Variants in ST8SIA5 observed in about 807,000 individuals in gnomAD.
The protein encoded by ST8SIA5 is ST8 alpha-N-acetyl-neuraminide alpha-2,8-sialyltransferase 5, also known as alpha-2,8-sialyltransferase 8E.
Under a neutral mutation model 40.2 loss-of-function variants are expected in ST8SIA5, and 24 were observed. That is an observed-to-expected ratio of 0.60 (90% CI 0.43 to 0.84). The LOEUF is 0.84. Ranked by LOEUF, ST8SIA5 falls within the 40% of genes least tolerant of loss-of-function variation. The pLI, the probability that ST8SIA5 is intolerant of heterozygous loss-of-function variation, is 0.00. For synonymous variants in ST8SIA5, 198 were observed against 201.8 expected (o/e 0.98, Z 0.16); for missense variants, 465 against 498.5 (o/e 0.93, Z 0.64).
chr18:46,730,110 C>G (rs1183561464), intron 1 of ST8SIA5: 1 of 961,674 alleles, frequency 1.0e-6, no homozygotes, highest in Non-Finnish European at 1.2e-6. Context: ...CAGTCACAAA[C>G]CTGCAGCTGC....
intron 5 of ST8SIA5, among the ~76,000 whole-genome samples, chr18:46,684,287 TCTGA>T (rs1338641764): frequency 6.6e-6 from 1 of 152,206 alleles, no homozygotes; most frequent in Non-Finnish European, 1.5e-5. Context: ...GTATCCCATT[TCTGA>T]CTATGAATAG....
At chr18:46,752,644 A>T (rs1001750726) in intron 1 of ST8SIA5, among the ~76,000 whole-genome samples, 1 of 152,212 alleles carries the variant, frequency 6.6e-6, no homozygotes, top group Non-Finnish European at 1.5e-5. Context: ...CTGGTTGCAG[A>T]GCACAGGGAG....
intron 1 of ST8SIA5, among the ~76,000 whole-genome samples, chr18:46,709,842 T>C (rs935334832): frequency 6.6e-6 from 1 of 152,204 alleles, no homozygotes. Flanking sequence ...TTTTCTGCAA[T>C]GGGGTTATGA....
At chr18:46,704,713 C>A (rs1283104328) in intron 1 of ST8SIA5, 49 bp from the exon 2 acceptor site, 2 of 1,450,238 alleles carry the variant, frequency 1.4e-6, no homozygotes. Context: ...TCAGGATGTC[C>A]AGGGCCTGCA....
At chr18:46,696,145 G>C (rs920146986) in intron 2 of ST8SIA5, among the ~76,000 whole-genome samples, 5 of 152,214 alleles carry the variant, frequency 3.3e-5, no homozygotes, top group African/African-American at 1.2e-4. Context: ...TCCGGGCTGA[G>C]AGAAAAGTGA....
intron 1 of ST8SIA5, among the ~76,000 whole-genome samples, chr18:46,753,727 C>A (rs547836538): frequency 1.3e-5 from 2 of 152,328 alleles, no homozygotes; most frequent in African/African-American, 4.8e-5. Flanking sequence ...TAGGTCTTTA[C>A]AACCTCTTTG....
chr18:46,755,030 T>G (rs909626003), intron 1 of ST8SIA5, among the ~76,000 whole-genome samples: 6 of 152,160 alleles, frequency 3.9e-5, no homozygotes, highest in Admixed American at 1.3e-4. Flanking sequence ...AAGCCACCAG[T>G]GTCAGACAGC....
rs1164680686 is a variant in ST8SIA5 at position 46,678,641 on chromosome 18, G to C, written c.*1401C>G. 2 of 152,364 alleles carry C rather than the reference G, an allele frequency of 1.3e-5. No individual in the cohort carries two copies. The highest frequency in any genetic ancestry group is 1.3e-4 in the Admixed American group (2 of 15,280). The allele number at this position is 152,364 out of a possible 1,614,324, so 9.4% of individuals were successfully genotyped here. Reference sequence around the variant, plus strand: ...GAATAGGCTTTCCAGAAATGTTTAAGGGGAGGAAGAAAAGAGGAAGGGAGG... The same window carrying C: ...GAATAGGCTTTCCAGAAATGTTTAACGGGAGGAAGAAAAGAGGAAGGGAGG... On this transcript the variant is annotated 3_prime_UTR_variant, in exon 7 of 7. Transcript: ENST00000315087.
intron 1 of ST8SIA5, chr18:46,723,074 C>T (rs1341328600): frequency 6.5e-6 from 1 of 153,420 alleles, no homozygotes; most frequent in Non-Finnish European, 1.5e-5. Flanking sequence ...TGCAAAACGA[C>T]ATGGGCGAGA....
At chr18:46,725,061 G>C (rs569978702) in intron 1 of ST8SIA5, among the ~76,000 whole-genome samples, 1 of 150,578 alleles carries the variant, frequency 6.6e-6, no homozygotes, top group African/African-American at 2.5e-5. Flanking sequence ...AAGAGAGAAA[G>C]AAAGGAAGGA....
At chr18:46,734,871 G>A (rs985746220) in intron 1 of ST8SIA5, among the ~76,000 whole-genome samples, 1 of 152,206 alleles carries the variant, frequency 6.6e-6, no homozygotes, top group African/African-American at 2.4e-5. Context: ...AAATGTGATG[G>A]TTAACTTTAA....
intron 2 of ST8SIA5, among the ~76,000 whole-genome samples, chr18:46,702,146 C>A (rs76530155): frequency 8.1e-3 from 979 of 120,218 alleles, no homozygotes; most frequent in Middle Eastern, 0.017. Context: ...GACTCCATCT[C>A]AAAAAAAAAA....
rs201140949 is a variant in ST8SIA5 at position 46,680,320 on chromosome 18, C to T, written c.853G>A (p.Val285Met). The change falls in exon 7 of 7, where the codon GTG becomes ATG. Residue 285 changes from valine (V) to methionine (M), a missense_variant. By Grantham distance (21) the Val-to-Met change is conservative (BLOSUM62 1). Coordinates refer to ENST00000315087, the MANE Select transcript of ST8SIA5 (RefSeq NM_013305.6). ...CCCAGGCTGAGCCAGTAGCGCGACA[C>T]GTTGACCAGGTACTGCGGATGGAAG... ...YYFHPQYLVN[V>M]SRYWLSLGVR... 16 of 1,614,218 alleles carry T rather than the reference C, an allele frequency of 9.9e-6. No homozygotes were observed. Among genetic ancestry groups the T allele is most frequent in the Middle Eastern group, 1.6e-4 (1 of 6,062 alleles).
chr18:46,700,590 C>T (rs2039602779), intron 2 of ST8SIA5, among the ~76,000 whole-genome samples: 1 of 152,180 alleles, frequency 6.6e-6, no homozygotes, highest in Non-Finnish European at 1.5e-5. Flanking sequence ...CACACTCATG[C>T]CCCAGGAACA....
At chr18:46,688,373 G>T (rs912009625) in intron 4 of ST8SIA5, among the ~76,000 whole-genome samples, 4 of 152,202 alleles carry the variant, frequency 2.6e-5, no homozygotes, top group Non-Finnish European at 5.9e-5. Context: ...GAATCTTTCA[G>T]AGTCTAGATC....
In ST8SIA5 at chr18:46,673,363, A is replaced by T. The variant is rs993958180; in HGVS notation, c.*6679T>A. 2.0e-5 allele frequency: 3 copies of T among 152,180 alleles called. No individual in the cohort carries two copies. Among genetic ancestry groups the T allele is most frequent in the Non-Finnish European group, 4.4e-5 (3 of 68,034 alleles). The allele number at this position is 152,180 out of a possible 1,614,324, so 9.4% of individuals were successfully genotyped here. On this transcript the variant is annotated 3_prime_UTR_variant, in exon 7 of 7. Transcript: ENST00000315087. Reference sequence around the variant, plus strand: ...TGGGTTATATATTATATTTGTATGTACAGAAAAGGCAGAAGTTGGGTTGTG... The same window carrying T: ...TGGGTTATATATTATATTTGTATGTTCAGAAAAGGCAGAAGTTGGGTTGTG...
intron 1 of ST8SIA5, among the ~76,000 whole-genome samples, chr18:46,714,361 C>T (rs949977714): frequency 2.0e-5 from 3 of 152,226 alleles, no homozygotes; most frequent in Non-Finnish European, 4.4e-5. Context: ...ATTCTCATGC[C>T]TTCCCCTAGC....
intron 6 of ST8SIA5, 136 bp from the exon 7 acceptor site, chr18:46,680,646 G>T (rs1447645866): frequency 1.2e-6 from 1 of 866,260 alleles, no homozygotes; most frequent in Non-Finnish European, 1.7e-6. Context: ...GACACCTCAC[G>T]CACCTGTGCA....
chr18:46,738,126 C>T (rs955910537), intron 1 of ST8SIA5, among the ~76,000 whole-genome samples: 2 of 151,524 alleles, frequency 1.3e-5, no homozygotes, highest in African/African-American at 4.9e-5. Context: ...AGGGGTGTCC[C>T]TAGGGTAATA....
Sources: gnomAD v4.1 joint callset for allele counts (sites outside exome capture counted in the v4.1 genomes callset) on GRCh38, gnomAD v4.1.1 for gene constraint, MANE v1.5 for transcripts, NCBI Gene and HGNC (gene_info 2026-07-23, HGNC 2026-07-21) for gene names.